The following DACH2 variants were observed in gnomAD, a reference collection of about 807,000 sequenced individuals.
DACH2 encodes dachshund homolog 2.
DACH2 carries 17 observed loss-of-function variants against 35.8 expected under a neutral mutation model. That is an observed-to-expected ratio of 0.48 (90% CI 0.33 to 0.71). DACH2 has a LOEUF of 0.71. Ranked by LOEUF, DACH2 falls within the 30% of genes least tolerant of loss-of-function variation. The pLI is 0.02. For synonymous variants in DACH2, 195 were observed against 177.3 expected, an observed-to-expected ratio of 1.10 and a Z score of -0.79; for missense variants, 469 against 472.7, an observed-to-expected ratio of 0.99 and a Z score of 0.07.
intron 11 of DACH2, among the ~76,000 whole-genome samples, chrX:86,823,732 G>T (rs1738242525): frequency 9.0e-6 from 1 of 111,480 alleles, no homozygotes; most frequent in South Asian, 3.8e-4. Context: ...TTTTACAGCT[G>T]GGCCACCGGG....
In DACH2 at chrX:86,514,471, C is replaced by T. The variant is rs2038440680; in HGVS notation, c.640+80C>T. 5 of 907,926 alleles carry T rather than the reference C, an allele frequency of 5.5e-6. No homozygotes were observed. The African/African-American group carries it at 7.8e-5, about 14-fold the overall frequency. 74.8% of individuals were successfully genotyped at this position (907,926 alleles called of 1,213,427 possible). ...AAATAAACCAATATTGATCTAACTG[C>T]CTTGTCCTTCAGAGCTTTTCAAGCT... On this transcript the variant is annotated intron_variant, in intron 3 of 11. Coordinates refer to ENST00000373125, the MANE Select transcript of DACH2 (RefSeq NM_053281.3).
At chrX:86,197,225 T>C (rs2032015382) in intron 1 of DACH2, among the ~76,000 whole-genome samples, 1 of 111,512 alleles carries the variant, frequency 9.0e-6, no homozygotes, top group Non-Finnish European at 1.9e-5. Context: ...GGAAATTCGA[T>C]ACCAGCCAAC....
intron 1 of DACH2, among the ~76,000 whole-genome samples, chrX:86,244,645 C>T (rs756943895): frequency 1.8e-5 from 2 of 111,839 alleles, no homozygotes; most frequent in African/African-American, 6.5e-5. Context: ...GTTGGCTGAA[C>T]CTGTTGCTGT....
chrX:86,497,520 G>C (rs1417965196), intron 2 of DACH2, among the ~76,000 whole-genome samples: 1 of 111,310 alleles, frequency 9.0e-6, no homozygotes, highest in Non-Finnish European at 1.9e-5. Flanking sequence ...AAGATTCCTG[G>C]AGAGAGGAGA....
intron 2 of DACH2, among the ~76,000 whole-genome samples, chrX:86,402,264 A>G (rs892664396): frequency 6.2e-5 from 7 of 112,194 alleles, no homozygotes; most frequent in African/African-American, 1.9e-4. Context: ...CACTTATGAT[A>G]TAATTTTATA....
At chrX:86,289,126 C>T (rs976842436) in intron 1 of DACH2, among the ~76,000 whole-genome samples, 9 of 109,071 alleles carry the variant, frequency 8.3e-5, no homozygotes, top group Non-Finnish European at 1.3e-4. Context: ...TTGGTCATTC[C>T]CTTCAAGGCA....
chrX:86,317,073 C>T (rs1487436963), intron 1 of DACH2, among the ~76,000 whole-genome samples: 1 of 98,921 alleles, frequency 1.0e-5, no homozygotes, highest in Non-Finnish European at 2.0e-5. Context: ...GCCAAGATTG[C>T]ACTACTGCAC....
intron 3 of DACH2, among the ~76,000 whole-genome samples, chrX:86,643,542 G>A (rs942332595): frequency 3.6e-5 from 4 of 111,068 alleles, no homozygotes; most frequent in Admixed American, 1.9e-4. Flanking sequence ...ACAAAGAAGA[G>A]CTCACACAAT....
chrX:86,255,172 G>T (rs1464828955), intron 1 of DACH2, among the ~76,000 whole-genome samples: 1 of 110,895 alleles, frequency 9.0e-6, no homozygotes, highest in Non-Finnish European at 1.9e-5. Context: ...ACAAGGAAAA[G>T]ATGAAAACAA....
chrX:86,284,122 C>T (rs1008025783), intron 1 of DACH2, among the ~76,000 whole-genome samples: 16 of 111,389 alleles, frequency 1.4e-4, no homozygotes, highest in African/African-American at 5.2e-4. Context: ...CTAGCTAAAA[C>T]GTCCAGTACT....
intron 6 of DACH2, among the ~76,000 whole-genome samples, chrX:86,716,531 AAAAC>A (rs755589383): frequency 2.7e-5 from 3 of 111,829 alleles, no homozygotes; most frequent in Admixed American, 9.5e-5. Context: ...CTCCTTCTCT[AAAAC>A]AAACAGACAA....
intron 2 of DACH2, among the ~76,000 whole-genome samples, chrX:86,392,824 A>ATTT (rs1341693527): frequency 9.9e-5 from 11 of 111,610 alleles, no homozygotes; most frequent in African/African-American, 3.6e-4. Context: ...TGCTCTTAGA[A>ATTT]TAAAGTTAAA....
chrX:86,666,921 G>A lies in DACH2; in HGVS notation c.772+15754G>A, dbSNP rs369057538. Among the ~76,000 whole-genome samples, 4 of 109,718 alleles carry A rather than the reference G, an allele frequency of 3.6e-5. No individual in the cohort carries two copies. The East Asian group carries it at 1.2e-3, about 32-fold the overall frequency. ...ACATGTTAGAAAACACTGAGTTGCT[G>A]TATGATGCATCTTAACAGTGCATAG... On this transcript the variant is annotated intron_variant, in intron 4 of 11. Coordinates refer to ENST00000373125, the MANE Select transcript of DACH2 (RefSeq NM_053281.3).
intron 6 of DACH2, among the ~76,000 whole-genome samples, chrX:86,716,529 CT>C (rs760458835): frequency 1.8e-4 from 20 of 111,445 alleles, no homozygotes; most frequent in Non-Finnish European, 3.2e-4. Context: ...GACTCCTTCT[CT>C]AAAACAAACA....
chrX:86,297,461 C>A (rs1602375486), intron 1 of DACH2, among the ~76,000 whole-genome samples: 1 of 112,069 alleles, frequency 8.9e-6, no homozygotes, highest in Non-Finnish European at 1.9e-5. Flanking sequence ...ATATGTGGTC[C>A]TGTAATTATA....
chrX:86,594,670 G>A (rs186685612), intron 3 of DACH2, among the ~76,000 whole-genome samples: 1 of 111,388 alleles, frequency 9.0e-6, no homozygotes. Flanking sequence ...TGTCATCAGA[G>A]CCTGGGAGCA....
chrX:86,241,528 G>A (rs187319286), intron 1 of DACH2, among the ~76,000 whole-genome samples: 2 of 112,343 alleles, frequency 1.8e-5, no homozygotes, highest in Non-Finnish European at 3.8e-5. Context: ...GGGAGGCAGA[G>A]CATGAAAGTT....
At chrX:86,649,169 C>A (rs1368272091) in intron 3 of DACH2, among the ~76,000 whole-genome samples, 2 of 110,813 alleles carry the variant, frequency 1.8e-5, no homozygotes, top group Non-Finnish European at 3.8e-5. Flanking sequence ...CTCATTAATT[C>A]TCTTAATATC....
chrX:86,457,625 T>C (rs1034738405), intron 2 of DACH2, among the ~76,000 whole-genome samples: 1 of 112,503 alleles, frequency 8.9e-6, no homozygotes, highest in Non-Finnish European at 1.9e-5. Context: ...CACATTATAG[T>C]TGGAAATGAC....
Sources: allele counts gnomAD v4.1 joint callset (sites outside exome capture counted in the v4.1 genomes callset), GRCh38; gene constraint gnomAD v4.1.1; transcripts MANE v1.5; gene names NCBI Gene and HGNC (gene_info 2026-07-23, HGNC 2026-07-21).